The following PTPRD variants were observed in gnomAD, a reference collection of about 807,000 sequenced individuals.
The protein encoded by PTPRD is protein tyrosine phosphatase receptor type D.
A neutral mutation model predicts 214.5 loss-of-function variants in PTPRD; 34 were observed. That is an observed-to-expected ratio of 0.16 (90% confidence interval 0.12 to 0.21). PTPRD has a LOEUF of 0.21. Among genes scored for constraint, PTPRD ranks in the 10% least tolerant of loss-of-function variants. The probability of loss-of-function intolerance (pLI) is 1.00; values close to 1 mark genes in which losing one functional copy is unlikely to be tolerated. For synonymous variants in PTPRD, 1,128 were observed against 845.7 expected (o/e 1.33, Z -5.79); for missense variants, 2,545 against 2,398.7 (o/e 1.06, Z -1.27).
chr9:10,181,120 A>G (rs2099280035), intron 3 of PTPRD, among the ~76,000 whole-genome samples: 1 of 152,110 alleles, frequency 6.6e-6, no homozygotes, highest in Admixed American at 6.5e-5. Flanking sequence ...TAAAATAACA[A>G]ATATTTGTTA....
At chr9:9,840,834 CTATG>C (rs944330864) in intron 5 of PTPRD, among the ~76,000 whole-genome samples, 3 of 138,398 alleles carry the variant, frequency 2.2e-5, no homozygotes, top group South Asian at 2.4e-4. Flanking sequence ...GGAATGCAAT[CTATG>C]TATGTATTTA....
intron 11 of PTPRD, among the ~76,000 whole-genome samples, chr9:8,994,059 C>G (rs1296718033): frequency 1.3e-5 from 2 of 152,066 alleles, no homozygotes; most frequent in African/African-American, 4.8e-5. Flanking sequence ...AGGATTTAAG[C>G]AACACTTTGA....
intron 4 of PTPRD, among the ~76,000 whole-genome samples, chr9:9,946,133 A>G (rs772479829): frequency 1.3e-4 from 19 of 146,240 alleles, no homozygotes; most frequent in Non-Finnish European, 2.1e-4. Context: ...ATGCATACTA[A>G]ATCATTACCT....
At chr9:9,997,752 T>C (rs1385075883) in intron 4 of PTPRD, among the ~76,000 whole-genome samples, 2 of 152,054 alleles carry the variant, frequency 1.3e-5, no homozygotes, top group South Asian at 2.1e-4. Flanking sequence ...AGTATTGATA[T>C]GCTAATGTGG....
intron 30 of PTPRD, among the ~76,000 whole-genome samples, chr9:8,477,506 C>T (rs1430870457): frequency 6.6e-6 from 1 of 152,158 alleles, no homozygotes; most frequent in Admixed American, 6.5e-5. Flanking sequence ...ACTTCAAATT[C>T]AGTCAGGCTT....
intron 9 of PTPRD, among the ~76,000 whole-genome samples, chr9:9,394,895 T>C (rs555852406): frequency 1.3e-4 from 20 of 152,156 alleles, no homozygotes; most frequent in African/African-American, 3.4e-4. Flanking sequence ...TTTGTAACAA[T>C]TGCACCAAAG....
chr9:10,422,707 C>T (rs990090958), intron 2 of PTPRD, among the ~76,000 whole-genome samples: 1 of 152,098 alleles, frequency 6.6e-6, no homozygotes, highest in South Asian at 2.1e-4. Flanking sequence ...TAAAAAAGTG[C>T]TCGTCATCAC....
At chr9:10,346,140 C>A (rs970027675) in intron 2 of PTPRD, among the ~76,000 whole-genome samples, 2 of 152,114 alleles carry the variant, frequency 1.3e-5, no homozygotes, top group Non-Finnish European at 2.9e-5. Flanking sequence ...GGATTCTAAG[C>A]TCAAAATGCT....
chr9:9,776,318 C>T (rs542552332), intron 5 of PTPRD, among the ~76,000 whole-genome samples: 2 of 152,160 alleles, frequency 1.3e-5, no homozygotes, highest in Non-Finnish European at 1.5e-5. Context: ...CCATCTTTAT[C>T]CTAGTCTTAG....
At chr9:10,249,855 A>C (rs2092606145) in intron 3 of PTPRD, among the ~76,000 whole-genome samples, 1 of 152,180 alleles carries the variant, frequency 6.6e-6, no homozygotes, top group Non-Finnish European at 1.5e-5. Context: ...GGCCTGCAAT[A>C]AGCTAGAAAA....
At chr9:10,551,474 G>A (rs2061343133) in intron 2 of PTPRD, among the ~76,000 whole-genome samples, 1 of 152,154 alleles carries the variant, frequency 6.6e-6, no homozygotes, top group African/African-American at 2.4e-5. Context: ...GTATTAGGGA[G>A]TAGAGACTTT....
At chr9:8,975,111 AAAAG>A (rs2099261269) in intron 11 of PTPRD, among the ~76,000 whole-genome samples, 1 of 151,746 alleles carries the variant, frequency 6.6e-6, no homozygotes, top group Non-Finnish European at 1.5e-5. Flanking sequence ...AAAAAAAAAA[AAAAG>A]ATTTTCAGAG....
intron 39 of PTPRD, among the ~76,000 whole-genome samples, chr9:8,357,080 A>T (rs2133641147): frequency 6.6e-6 from 1 of 152,304 alleles, no homozygotes; most frequent in Non-Finnish European, 1.5e-5. Flanking sequence ...TACATAAGCT[A>T]TACGCTACAA....
At chr9:9,653,199 G>A (rs934557127) in intron 7 of PTPRD, among the ~76,000 whole-genome samples, 1 of 148,496 alleles carries the variant, frequency 6.7e-6, no homozygotes. Flanking sequence ...AAAATTAGCC[G>A]GGCGCGGTGG....
chr9:8,582,781 G>A (rs534627361), intron 14 of PTPRD, among the ~76,000 whole-genome samples: 1 of 152,176 alleles, frequency 6.6e-6, no homozygotes. Context: ...AGTTATGCTG[G>A]TAGAAATATA....
At chr9:10,291,000 A>G (rs2095510010) in intron 3 of PTPRD, among the ~76,000 whole-genome samples, 1 of 151,670 alleles carries the variant, frequency 6.6e-6, no homozygotes, top group Admixed American at 6.6e-5. Context: ...TTTTTTAAAA[A>G]CAAATTCCAT....
At chr9:8,648,905 T>A (rs2096749908) in intron 12 of PTPRD, among the ~76,000 whole-genome samples, 1 of 152,222 alleles carries the variant, frequency 6.6e-6, no homozygotes, top group African/African-American at 2.4e-5. Context: ...ATTTACTCAT[T>A]AATCATAATT....
At chr9:10,372,879 T>G in intron 2 of PTPRD, among the ~76,000 whole-genome samples, 1 of 150,350 alleles carries the variant, frequency 6.7e-6, no homozygotes, top group South Asian at 2.1e-4. Flanking sequence ...AGATGTAGTC[T>G]TGCTCTATCA....
At chr9:8,327,947 A>G (rs570044196) in intron 44 of PTPRD, among the ~76,000 whole-genome samples, 1,588 of 142,260 alleles carry the variant, frequency 0.011, 11 homozygotes, top group Middle Eastern at 0.021. Context: ...CAGCACACTG[A>G]TGGGTCTTCA....
Sources: allele counts gnomAD v4.1 joint callset (sites outside exome capture counted in the v4.1 genomes callset), GRCh38; gene constraint gnomAD v4.1.1; transcripts MANE v1.5; gene names NCBI Gene and HGNC (gene_info 2026-07-23, HGNC 2026-07-21).